SAMD12: variants seen among roughly 807,000 people sequenced by gnomAD.
The protein encoded by SAMD12 is sterile alpha motif domain containing 12.
SAMD12 carries 9 observed loss-of-function variants against 15.0 expected under a neutral mutation model. The observed-to-expected ratio is 0.60, with a 90% CI of 0.36 to 1.05. The LOEUF (loss-of-function observed/expected upper bound fraction) is 1.05, where lower values mean the gene tolerates loss of function less well. Among genes scored for constraint, SAMD12 ranks in the 50% least tolerant of loss-of-function variants. The pLI, the probability that SAMD12 is intolerant of heterozygous loss-of-function variation, is 0.01. For synonymous variants in SAMD12, 86 were observed against 90.1 expected, an observed-to-expected ratio of 0.96 and a Z score of 0.25; for missense variants, 230 against 234.2, an observed-to-expected ratio of 0.98 and a Z score of 0.12.
intron 4 of SAMD12, among the ~76,000 whole-genome samples, chr8:118,328,646 T>G (rs1440778611): frequency 1.3e-5 from 2 of 152,198 alleles, no homozygotes; most frequent in South Asian, 2.1e-4. Context: ...TATAAGGCAG[T>G]GTGATGTAGT....
Position 118,551,146 on chromosome 8 carries a change from G to T in SAMD12, c.192+29569C>A, listed in dbSNP as rs534842923. The stretch of plus-strand genomic sequence containing the variant: ...ACAGAAAGTCAACAAGGATACCCAG[G>T]AATGGAAATCAGCTCTGCACCAAGC... On this transcript the variant is annotated intron_variant, in intron 2 of 3. Coordinates refer to ENST00000314727, the MANE Select transcript of SAMD12 (RefSeq NM_207506.3). 4.6e-5 allele frequency among the ~76,000 whole-genome samples: 7 copies of T among 152,274 alleles called. No individual in the cohort carries two copies. The East Asian group carries it at 1.4e-3, about 29-fold the overall frequency.
intron 4 of SAMD12, among the ~76,000 whole-genome samples, chr8:118,335,850 C>A (rs1817029775): frequency 6.6e-6 from 1 of 152,134 alleles, no homozygotes. Context: ...CAAGCAATCA[C>A]CTCAGCCTCC....
chr8:118,238,121 T>C (rs946707487), intron 4 of SAMD12, among the ~76,000 whole-genome samples: 1 of 152,156 alleles, frequency 6.6e-6, no homozygotes, highest in Non-Finnish European at 1.5e-5. Flanking sequence ...GCTCTAGAAA[T>C]ACTTCATTAA....
intron 2 of SAMD12, among the ~76,000 whole-genome samples, chr8:118,457,332 G>A (rs1823288605): frequency 6.6e-6 from 1 of 151,432 alleles, no homozygotes; most frequent in Non-Finnish European, 1.5e-5. Context: ...CTGGGCTCAG[G>A]GAATCGTCCC....
At chr8:118,246,301 AG>A (rs1812696679) in intron 4 of SAMD12, among the ~76,000 whole-genome samples, 1 of 152,164 alleles carries the variant, frequency 6.6e-6, no homozygotes, top group Admixed American at 6.6e-5. Context: ...TGATTGGTTT[AG>A]GAATGGGCAC....
chr8:118,355,565 A>G (rs1349890824), intron 4 of SAMD12, among the ~76,000 whole-genome samples: 1 of 152,212 alleles, frequency 6.6e-6, no homozygotes, highest in African/African-American at 2.4e-5. Context: ...ACGCAAAGGT[A>G]TAGAGCAAAG....
At chr8:118,428,418 GAAAAGAAAAGAA>G (rs142121060) in intron 3 of SAMD12, among the ~76,000 whole-genome samples, 2,758 of 151,670 alleles carry the variant, frequency 0.018, 88 homozygotes, top group African/African-American at 0.064. Context: ...AACAAAGAAA[GAAAAGAAAAGAA>G]AAAAGAAAAG....
At chr8:118,588,201 G>C (rs1449449468) in intron 1 of SAMD12, among the ~76,000 whole-genome samples, 1 of 152,142 alleles carries the variant, frequency 6.6e-6, no homozygotes, top group African/African-American at 2.4e-5. Flanking sequence ...ATGGGGATGG[G>C]AATGTGTTCC....
intron 2 of SAMD12, among the ~76,000 whole-genome samples, chr8:118,539,999 G>C (rs1334738901): frequency 6.6e-6 from 1 of 152,114 alleles, no homozygotes; most frequent in East Asian, 1.9e-4. Flanking sequence ...GAGTACTATA[G>C]GATACCACCC....
chr8:118,404,297 T>C (rs1247286116), intron 3 of SAMD12, among the ~76,000 whole-genome samples: 1 of 152,224 alleles, frequency 6.6e-6, no homozygotes, highest in African/African-American at 2.4e-5. Flanking sequence ...TTTTGTTATT[T>C]ACCTTGCTTG....
At chr8:118,518,838 C>G (rs1825315199) in intron 2 of SAMD12, among the ~76,000 whole-genome samples, 1 of 152,218 alleles carries the variant, frequency 6.6e-6, no homozygotes, top group Admixed American at 6.5e-5. Context: ...GAATGCACAG[C>G]TGTGTCTTCT....
intron 2 of SAMD12, among the ~76,000 whole-genome samples, chr8:118,483,076 C>T (rs541065957): frequency 1.3e-5 from 2 of 152,252 alleles, no homozygotes; most frequent in African/African-American, 4.8e-5. Context: ...TATAATCATG[C>T]TAGCTTTATG....
intron 2 of SAMD12, among the ~76,000 whole-genome samples, chr8:118,554,259 A>G (rs917365467): frequency 6.6e-6 from 1 of 152,188 alleles, no homozygotes; most frequent in Non-Finnish European, 1.5e-5. Context: ...CACTATTCAC[A>G]ATAGCAAAGA....
chr8:118,455,065 C>T (rs374293575), intron 2 of SAMD12, among the ~76,000 whole-genome samples: 3 of 152,180 alleles, frequency 2.0e-5, no homozygotes, highest in South Asian at 4.1e-4. Context: ...CAGTAGCTCA[C>T]GCTGTCTCCC....
intron 1 of SAMD12, among the ~76,000 whole-genome samples, chr8:118,588,641 T>C (rs550574886): frequency 6.6e-6 from 1 of 152,314 alleles, no homozygotes; most frequent in South Asian, 2.1e-4. Flanking sequence ...CTGCAAAGAC[T>C]GAAATATTTA....
At chr8:118,498,276 C>G (rs1278777721) in intron 2 of SAMD12, among the ~76,000 whole-genome samples, 1 of 152,180 alleles carries the variant, frequency 6.6e-6, no homozygotes, top group Non-Finnish European at 1.5e-5. Flanking sequence ...CAACGAGATG[C>G]TGTTCCCTTG....
At chr8:118,301,390 A>G (rs183454578) in intron 4 of SAMD12, among the ~76,000 whole-genome samples, 25 of 152,322 alleles carry the variant, frequency 1.6e-4, no homozygotes, top group African/African-American at 5.5e-4. Flanking sequence ...TTCCTTATTA[A>G]AATGCTCACT....
At chr8:118,390,700 G>A (rs781054888) in intron 3 of SAMD12, among the ~76,000 whole-genome samples, 31 of 152,114 alleles carry the variant, frequency 2.0e-4, no homozygotes, top group Admixed American at 1.7e-3. Context: ...ACCTGAGAGC[G>A]CTGCCCACCG....
chr8:118,533,926 C>A (rs1201551995), intron 2 of SAMD12, among the ~76,000 whole-genome samples: 1 of 152,136 alleles, frequency 6.6e-6, no homozygotes, highest in Non-Finnish European at 1.5e-5. Flanking sequence ...TTAATTGGAG[C>A]ATTTAGCCCA....
Sources: gnomAD v4.1 joint callset for allele counts (sites outside exome capture counted in the v4.1 genomes callset) on GRCh38, gnomAD v4.1.1 for gene constraint, MANE v1.5 for transcripts, NCBI Gene and HGNC (gene_info 2026-07-23, HGNC 2026-07-21) for gene names.